CARF: variants seen among roughly 807,000 people sequenced by gnomAD.
CARF encodes the protein calcium-responsive transcription factor.
A neutral mutation model predicts 82.0 loss-of-function variants in CARF; 57 were observed. The observed-to-expected ratio is 0.70, with a 90% CI of 0.56 to 0.87. The LOEUF is 0.87. Ranked by LOEUF, CARF falls within the 40% of genes least tolerant of loss-of-function variation. The pLI is 0.00. For synonymous variants in CARF, 268 were observed against 290.1 expected (o/e 0.92, Z 0.77); for missense variants, 771 against 855.8 (o/e 0.90, Z 1.24).
At chr2:202,959,715 A>G (rs2059218639) in intron 8 of CARF, among the ~76,000 whole-genome samples, 2 of 152,094 alleles carry the variant, frequency 1.3e-5, no homozygotes, top group Admixed American at 6.6e-5. Flanking sequence ...AGGCTGACGC[A>G]GGAGAATCAT....
chr2:202,951,716 C>T (rs1445847294), intron 5 of CARF, among the ~76,000 whole-genome samples: 1 of 151,958 alleles, frequency 6.6e-6, no homozygotes, highest in African/African-American at 2.4e-5. Context: ...ATACTATTTT[C>T]CCTGTGTTTT....
At position 202,942,822 on chromosome 2, in the gene CARF, CA is replaced by C; in HGVS notation, c.164del (p.Asn55IlefsTer13). 1.2e-6 allele frequency: 2 copies of C among 1,613,954 alleles called. No homozygotes were observed. The highest frequency in any genetic ancestry group is 1.7e-6 in the Non-Finnish European group (2 of 1,179,948). On this transcript the variant is annotated frameshift_variant, in exon 5 of 17. Coordinates refer to ENST00000438828, the MANE Select transcript of CARF (RefSeq NM_024744.17). LOFTEE classifies it high-confidence loss of function. ...PTVLPITTREANNSLISQNIP... is the reference protein window; with the variant it reads ...PTVLPITTREXNNSLISQNIP... ...GTTTTGCCCATCACTACTCGTGAAG[CA>C]AATAATTCACTCATATCACAGAATA...
intron 5 of CARF, among the ~76,000 whole-genome samples, chr2:202,950,899 TG>T (rs1319595317): frequency 1.3e-5 from 2 of 152,210 alleles, no homozygotes; most frequent in Admixed American, 6.5e-5. Flanking sequence ...TGTTGAACAT[TG>T]GGGAAGGAAG....
intron 3 of CARF, among the ~76,000 whole-genome samples, chr2:202,940,582 G>A (rs2058181772): frequency 6.6e-6 from 1 of 151,956 alleles, no homozygotes; most frequent in African/African-American, 2.4e-5. Context: ...AATTGGGTTT[G>A]TTTTTCTCCA....
At chr2:202,944,884 T>C (rs1215005031) in intron 5 of CARF, among the ~76,000 whole-genome samples, 1 of 152,068 alleles carries the variant, frequency 6.6e-6, no homozygotes, top group African/African-American at 2.4e-5. Context: ...AATTGTTTAT[T>C]TGAGTCCAAA....
rs756104051 is a variant in CARF, at chr2:202,943,016, A to G, written c.306+49A>G. On this transcript the variant is annotated intron_variant, in intron 5 of 16. Transcript: ENST00000438828. ...AGTTTTATGCCGTTTAGCAAAATGT[A>G]TTAGTCTTACTAAATGACCTTAATT... 1.0e-5 allele frequency: 14 copies of G among 1,388,946 alleles called. No homozygotes were observed. In the East Asian group the frequency reaches 1.6e-4, roughly 16 times the overall value. The allele number at this position is 1,388,946 out of a possible 1,614,324, so 86.0% of individuals were successfully genotyped here.
At chr2:202,964,108 C>T (rs2059438209) in intron 9 of CARF, among the ~76,000 whole-genome samples, 1 of 152,058 alleles carries the variant, frequency 6.6e-6, no homozygotes. Context: ...GGTTTCGCAG[C>T]CAAGTGAGTC....
chr2:202,958,901 C>T (rs1310544766), intron 8 of CARF, among the ~76,000 whole-genome samples: 1 of 99,660 alleles, frequency 1.0e-5, no homozygotes, highest in Non-Finnish European at 1.9e-5. Context: ...GAGACTCCGT[C>T]TCAAAAAAAA....
intron 5 of CARF, among the ~76,000 whole-genome samples, chr2:202,949,694 G>C (rs2058672364): frequency 6.6e-6 from 1 of 151,716 alleles, no homozygotes. Flanking sequence ...GGGATTGCAG[G>C]TGCCTGCCAC....
intron 9 of CARF, chr2:202,961,672 C>A (rs781610275): frequency 4.2e-6 from 2 of 477,676 alleles, no homozygotes; most frequent in East Asian, 3.3e-5. Flanking sequence ...AATAAAATAT[C>A]GAAGTTTCCA....
Position 202,982,158 on chromosome 2 carries a change from A to G in CARF, c.1776A>G (p.Ser592=), listed in dbSNP as rs1297689517. ...ATAACCAGCCGTCCTCTAGTCCTTC[A>G]GGACTTCTGGATACAATAGGAAGTG... ...SVNNQPSSSP[S]GLLDTIGSAV... is the part of the protein sequence containing the mutation. The change falls in exon 16 of 17, where the codon TCA becomes TCG. Residue 592 remains serine (S), a synonymous_variant. Coordinates refer to ENST00000438828, the MANE Select transcript of CARF (RefSeq NM_024744.17). 3 of 1,614,186 alleles carry G rather than the reference A, an allele frequency of 1.9e-6. No individual in the cohort carries two copies. The highest frequency in any genetic ancestry group is 2.5e-6 in the Non-Finnish European group (3 of 1,180,020).
chr2:202,940,243 A>G (rs2058165414), intron 3 of CARF, among the ~76,000 whole-genome samples: 2 of 152,018 alleles, frequency 1.3e-5, no homozygotes, highest in African/African-American at 2.4e-5. Context: ...CATGTTGGCC[A>G]GTCTGGTCTC....
In CARF at chr2:202,982,415, A is replaced by G. The variant is rs1459064074; in HGVS notation, c.2033A>G (p.Gln678Arg). Residue 678 changes from glutamine to arginine, a missense_variant, in exon 16 of 17, where the codon CAG becomes CGG. By Grantham distance (43) the Gln-to-Arg change is conservative. Transcript: ENST00000438828. Reference sequence around the variant, plus strand: ...GGAGATGTGCAGACTATTCCAATACAGATTATAGACAACCACTCAGCTCTT... The same window carrying G: ...GGAGATGTGCAGACTATTCCAATACGGATTATAGACAACCACTCAGCTCTT... ...LLGDVQTIPI[Q>R]IIDNHSALIE... The G allele has an allele frequency of 6.2e-7, 1 of 1,614,082 alleles. No individual in the cohort carries two copies. Among genetic ancestry groups the G allele is most frequent in the Non-Finnish European group, 8.5e-7 (1 of 1,180,004 alleles).
At chr2:202,932,981 G>T (rs1693221311) in intron 3 of CARF, among the ~76,000 whole-genome samples, 1 of 152,122 alleles carries the variant, frequency 6.6e-6, no homozygotes, top group South Asian at 2.1e-4. Context: ...GCTTAAGCCT[G>T]GGGGGCATGA....
Position 202,967,111 on chromosome 2 carries a change from T to G in CARF, c.953+13T>G. The G allele has an allele frequency of 6.2e-7, 1 of 1,608,952 alleles. No homozygotes were observed. Among genetic ancestry groups the G allele is most frequent in the Non-Finnish European group, 8.5e-7 (1 of 1,178,648 alleles). Reference sequence around the variant, plus strand: ...CTTGTCCAGCTCGGTAAGCTTTATTTTCTTTTATTTGTTTTCTATTAAGAA... The same window carrying G: ...CTTGTCCAGCTCGGTAAGCTTTATTGTCTTTTATTTGTTTTCTATTAAGAA... On this transcript the variant is annotated intron_variant, in intron 10 of 16. Coordinates refer to ENST00000438828, the MANE Select transcript of CARF (RefSeq NM_024744.17).
chr2:202,966,075 GA>G (rs1283204626), intron 9 of CARF, among the ~76,000 whole-genome samples: 1 of 152,168 alleles, frequency 6.6e-6, no homozygotes, highest in African/African-American at 2.4e-5. Context: ...CTTGGCAGAT[GA>G]TTACCTCCAG....
At chr2:202,976,454 G>A (rs1199289082) in intron 13 of CARF, among the ~76,000 whole-genome samples, 3 of 151,880 alleles carry the variant, frequency 2.0e-5, no homozygotes, top group East Asian at 1.9e-4. Context: ...GATTACAGGC[G>A]TGAGCCACCA....
At chr2:202,978,493 CT>C (rs1483216303) in intron 14 of CARF, among the ~76,000 whole-genome samples, 1 of 152,118 alleles carries the variant, frequency 6.6e-6, no homozygotes, top group Non-Finnish European at 1.5e-5. Flanking sequence ...CTTCTGTTGG[CT>C]TTCCTTTTCT....
At chr2:202,951,918 T>C (rs531415468) in intron 5 of CARF, among the ~76,000 whole-genome samples, 2 of 151,950 alleles carry the variant, frequency 1.3e-5, no homozygotes, top group East Asian at 3.9e-4. Context: ...CTGCAACCTC[T>C]GCCTCCCAGA....
Sources: allele counts gnomAD v4.1 joint callset (sites outside exome capture counted in the v4.1 genomes callset), GRCh38; gene constraint gnomAD v4.1.1; transcripts MANE v1.5; gene names NCBI Gene and HGNC (gene_info 2026-07-23, HGNC 2026-07-21).